Variants in CNTNAP2 observed in about 807,000 individuals in gnomAD.
CNTNAP2 encodes the protein contactin-associated protein-like 2.
Under a neutral mutation model 155.2 loss-of-function variants are expected in CNTNAP2, and 98 were observed. That is an observed-to-expected ratio of 0.63 (90% CI 0.54 to 0.75). CNTNAP2 has a LOEUF of 0.75. Among genes scored for constraint, CNTNAP2 ranks in the 30% least tolerant of loss-of-function variants. CNTNAP2 has a pLI of 0.00. For missense variants in CNTNAP2, 1,727 were observed against 1,688.1 expected (o/e 1.02, Z -0.40); for synonymous variants, 651 against 631.2 (o/e 1.03, Z -0.47).
chr7:146,561,596 C>T (rs1467595844), intron 1 of CNTNAP2, among the ~76,000 whole-genome samples: 1 of 152,038 alleles, frequency 6.6e-6, no homozygotes, highest in East Asian at 1.9e-4. Flanking sequence ...GAGTTCCATG[C>T]TGAAGTGAGC....
intron 11 of CNTNAP2, among the ~76,000 whole-genome samples, chr7:147,512,198 C>T (rs73162085): frequency 0.02 from 3,030 of 152,250 alleles, 46 homozygotes; most frequent in South Asian, 0.067. Context: ...ACATCTCATA[C>T]GTGCATGCAC....
rs532653718 is a variant in CNTNAP2 at position 146,183,722 on chromosome 7, G to T, written c.97+66749G>T. Among the ~76,000 whole-genome samples, 27 of 152,048 alleles carry T rather than the reference G, an allele frequency of 1.8e-4. 1 individual carries two copies. The South Asian group carries it at 5.6e-3, about 32-fold the overall frequency. On this transcript the variant is annotated intron_variant, in intron 1 of 23. Transcript: ENST00000361727. ...CCAAATTTATATAAGGAACAGCTGG[G>T]TCACTTCCATGACATTCAAGCTTGG... is the stretch of plus-strand genomic sequence containing the variant.
chr7:146,569,442 T>C (rs1392413587), intron 1 of CNTNAP2, among the ~76,000 whole-genome samples: 1 of 152,232 alleles, frequency 6.6e-6, no homozygotes, highest in African/African-American at 2.4e-5. Flanking sequence ...AAACTTTATC[T>C]TGAGTGAAAA....
intron 15 of CNTNAP2, among the ~76,000 whole-genome samples, chr7:148,089,441 T>C (rs1803796242): frequency 6.6e-6 from 1 of 151,854 alleles, no homozygotes; most frequent in African/African-American, 2.4e-5. Context: ...GAACTAAAAA[T>C]GAATTCACTA....
intron 3 of CNTNAP2, among the ~76,000 whole-genome samples, chr7:146,975,538 A>G (rs1014802677): frequency 1.3e-5 from 2 of 152,194 alleles, no homozygotes; most frequent in East Asian, 1.9e-4. Context: ...ACTGCTGTGC[A>G]TTCTGAGAGT....
At chr7:147,959,340 A>G (rs1308024062) in intron 14 of CNTNAP2, among the ~76,000 whole-genome samples, 1 of 151,982 alleles carries the variant, frequency 6.6e-6, no homozygotes, top group African/African-American at 2.4e-5. Flanking sequence ...GGGTTGTCCA[A>G]TGCTCAGGAC....
intron 14 of CNTNAP2, among the ~76,000 whole-genome samples, chr7:147,931,207 T>TAA (rs36112535): frequency 0.021 from 2,681 of 124,698 alleles, 65 homozygotes; most frequent in African/African-American, 0.055. Context: ...ATAAACAGAG[T>TAA]AAAAAAAAAA....
intron 16 of CNTNAP2, among the ~76,000 whole-genome samples, chr7:148,134,856 C>T (rs1188594865): frequency 6.6e-6 from 1 of 152,026 alleles, no homozygotes; most frequent in African/African-American, 2.4e-5. Flanking sequence ...AGCTATAATC[C>T]CATATTCCAA....
chr7:147,932,409 A>G (rs1800522185), intron 14 of CNTNAP2, among the ~76,000 whole-genome samples: 1 of 152,214 alleles, frequency 6.6e-6, no homozygotes, highest in Non-Finnish European at 1.5e-5. Flanking sequence ...AAACCTGTGC[A>G]TATATGACCA....
chr7:146,347,162 C>A (rs1000577557), intron 1 of CNTNAP2, among the ~76,000 whole-genome samples: 3 of 138,742 alleles, frequency 2.2e-5, no homozygotes, highest in Admixed American at 7.1e-5. Flanking sequence ...AAAAAAAAAA[C>A]CCTGCCTGTG....
chr7:146,460,573 T>G (rs1434573660), intron 1 of CNTNAP2, among the ~76,000 whole-genome samples: 1 of 152,194 alleles, frequency 6.6e-6, no homozygotes, highest in Non-Finnish European at 1.5e-5. Context: ...ATGATATATA[T>G]GTATATATAC....
At chr7:146,967,086 G>A (rs950535546) in intron 3 of CNTNAP2, among the ~76,000 whole-genome samples, 3 of 152,106 alleles carry the variant, frequency 2.0e-5, no homozygotes, top group Non-Finnish European at 4.4e-5. Flanking sequence ...TAGTGATCTG[G>A]TTTTGTGTGT....
intron 10 of CNTNAP2, among the ~76,000 whole-genome samples, chr7:147,473,463 G>T (rs901839787): frequency 6.6e-6 from 1 of 151,956 alleles, no homozygotes; most frequent in African/African-American, 2.4e-5. Flanking sequence ...AGTTTCCTCT[G>T]TTCTGGTTGT....
intron 14 of CNTNAP2, among the ~76,000 whole-genome samples, chr7:147,961,016 G>C (rs1585049932): frequency 6.6e-6 from 1 of 152,190 alleles, no homozygotes; most frequent in East Asian, 1.9e-4. Context: ...ATATAGATTA[G>C]AGAAGTCCAG....
chr7:147,002,192 A>C (rs1038499657), intron 3 of CNTNAP2, among the ~76,000 whole-genome samples: 1 of 152,022 alleles, frequency 6.6e-6, no homozygotes, highest in Admixed American at 6.6e-5. Flanking sequence ...GTGTTTTCAG[A>C]ATTAAAAATA....
At chr7:148,300,797 A>G (rs1391884262) in intron 21 of CNTNAP2, among the ~76,000 whole-genome samples, 1 of 152,226 alleles carries the variant, frequency 6.6e-6, no homozygotes, top group East Asian at 1.9e-4. Context: ...TTCCATTTCT[A>G]TGAGATACTT....
At chr7:146,637,366 A>G (rs1490731442) in intron 1 of CNTNAP2, among the ~76,000 whole-genome samples, 1 of 152,220 alleles carries the variant, frequency 6.6e-6, no homozygotes, top group Non-Finnish European at 1.5e-5. Context: ...GATTGACAAG[A>G]TATCTCTTAA....
intron 1 of CNTNAP2, among the ~76,000 whole-genome samples, chr7:146,720,499 T>TA (rs1801267419): frequency 6.6e-6 from 1 of 152,142 alleles, no homozygotes; most frequent in Admixed American, 6.6e-5. Flanking sequence ...TGCCTATAAG[T>TA]AAAAATTGAG....
intron 1 of CNTNAP2, among the ~76,000 whole-genome samples, chr7:146,637,214 T>C (rs1799613851): frequency 6.6e-6 from 1 of 152,186 alleles, no homozygotes; most frequent in African/African-American, 2.4e-5. Context: ...TCTGATACAT[T>C]TATTGGGACA....
Sources: allele counts gnomAD v4.1 joint callset (sites outside exome capture counted in the v4.1 genomes callset), GRCh38; gene constraint gnomAD v4.1.1; transcripts MANE v1.5; gene names NCBI Gene and HGNC (gene_info 2026-07-23, HGNC 2026-07-21).